JCHAIN: variants seen among roughly 807,000 people sequenced by gnomAD.
The protein encoded by JCHAIN is joining chain of multimeric IgA and IgM, also known as immunoglobulin J chain.
JCHAIN carries 5 observed loss-of-function variants against 11.1 expected under a neutral mutation model. The ratio of observed to expected loss-of-function variants is 0.45; its 90% CI spans 0.24 to 0.95. The LOEUF (loss-of-function observed/expected upper bound fraction) is 0.95, where lower values mean the gene tolerates loss of function less well. Among genes scored for constraint, JCHAIN ranks in the 40% least tolerant of loss-of-function variants. The pLI is 0.21. For missense variants in JCHAIN, 165 were observed against 192.7 expected (o/e 0.86, Z 0.85); for synonymous variants, 51 against 67.8 (o/e 0.75, Z 1.22).
rs1738955919 is a variant in JCHAIN, at chr4:70,656,677, C to T, written c.270-138G>A. The stretch of plus-strand genomic sequence containing the variant: ...GATGACTCCTTTCAGACATAAGCAG[C>T]TCTACAATACAGAATAGCTTATGGG... On this transcript the variant is annotated intron_variant, in intron 3 of 3. Transcript: ENST00000254801. 6.3e-6 allele frequency: 4 copies of T among 637,838 alleles called. No homozygotes were observed. In the Middle Eastern group the frequency reaches 1.3e-3, roughly 203 times the overall value. The allele number at this position is 637,838 out of a possible 1,614,324, so 39.5% of individuals were successfully genotyped here.
At chr4:70,657,455 G>A (rs920097198) in intron 2 of JCHAIN, among the ~76,000 whole-genome samples, 164 bp from the exon 3 acceptor site, 4 of 152,062 alleles carry the variant, frequency 2.6e-5, no homozygotes, top group African/African-American at 9.7e-5. Flanking sequence ...ATAGTAACTT[G>A]CTATATTTTA....
chr4:70,656,032 T>G lies in JCHAIN; in HGVS notation c.*297A>C. The G allele has an allele frequency of 4.5e-6, 1 of 223,272 alleles. No individual in the cohort carries two copies. The highest frequency in any genetic ancestry group is 5.6e-5 in the Admixed American group (1 of 17,706). 13.8% of individuals were successfully genotyped at this position (223,272 alleles called of 1,614,324 possible). ...CCTTGAGTTTTATTTTCTCCCCTTG[T>G]TTATTTGTTTAATGCTAGAAACTGT... On this transcript the variant is annotated 3_prime_UTR_variant, in exon 4 of 4. Coordinates refer to ENST00000254801, the MANE Select transcript of JCHAIN (RefSeq NM_144646.4).
intron 2 of JCHAIN, among the ~76,000 whole-genome samples, chr4:70,658,403 C>G (rs16845335): frequency 2.6e-5 from 4 of 152,128 alleles, no homozygotes; most frequent in African/African-American, 9.7e-5. Flanking sequence ...ATAGAAGGCA[C>G]GTATCCTAAT....
intron 2 of JCHAIN, among the ~76,000 whole-genome samples, chr4:70,657,513 A>G (rs1738971986): frequency 6.6e-6 from 1 of 152,196 alleles, no homozygotes; most frequent in Non-Finnish European, 1.5e-5. Flanking sequence ...GCTGTCAACT[A>G]TCTTTGCTGA....
intron 1 of JCHAIN, among the ~76,000 whole-genome samples, chr4:70,662,796 T>C (rs1204098068): frequency 6.6e-6 from 1 of 151,830 alleles, no homozygotes; most frequent in African/African-American, 2.4e-5. Context: ...CCATCTCTAC[T>C]AAAAACACAA....
chr4:70,660,666 G>A (rs1041832019), intron 2 of JCHAIN, among the ~76,000 whole-genome samples: 7 of 152,134 alleles, frequency 4.6e-5, no homozygotes, highest in Admixed American at 1.3e-4. Context: ...TTACAGGCAT[G>A]AGCCACCGTG....
At chr4:70,657,313 A>G (rs1364904783) in intron 2 of JCHAIN, 22 bp from the exon 3 acceptor site, 2 of 1,456,028 alleles carry the variant, frequency 1.4e-6, no homozygotes, top group South Asian at 1.1e-5. Context: ...GAAAGAAAAC[A>G]AAGTTAAAAC....
At position 70,663,415 on chromosome 4, in the gene JCHAIN, T is replaced by A. The variant is rs1360138517; in HGVS notation, c.65-1200A>T. The A allele has an allele frequency of 5.9e-5, 9 of 152,192 alleles. 1 individual carries two copies. The allele number at this position is 152,192 out of a possible 1,614,324, so 9.4% of individuals were successfully genotyped here. A position where few individuals can be genotyped will look rare whatever the true frequency, so the allele number is the denominator to read the frequency against. On this transcript the variant is annotated intron_variant, in intron 1 of 3. Transcript: ENST00000254801. Reference sequence around the variant, plus strand: ...TTCACCATGTTGCCCAGGCTGGTCTTAAACTCCTGACCTCAAGTGATCCAC... The same window carrying A: ...TTCACCATGTTGCCCAGGCTGGTCTAAAACTCCTGACCTCAAGTGATCCAC...
chr4:70,659,655 T>A (rs6817704), intron 2 of JCHAIN, among the ~76,000 whole-genome samples: 5,337 of 142,954 alleles, frequency 0.037, 330 homozygotes, highest in African/African-American at 0.13. Context: ...TGAGGTCAAG[T>A]GTTCGAGACT....
intron 1 of JCHAIN, 36 bp downstream of exon 1, chr4:70,666,391 C>T (rs1207719068): frequency 1.4e-6 from 2 of 1,460,280 alleles, no homozygotes; most frequent in Admixed American, 1.7e-5. Flanking sequence ...CTATATTTTT[C>T]CTTTGATCTG....
intron 3 of JCHAIN, 71 bp downstream of exon 3, chr4:70,657,140 T>A: frequency 1.3e-6 from 1 of 796,880 alleles, no homozygotes; most frequent in Non-Finnish European, 2.1e-6. Flanking sequence ...AAAACATTCT[T>A]ACTAACAAGG....
intron 1 of JCHAIN, among the ~76,000 whole-genome samples, chr4:70,662,908 A>G (rs928254070): frequency 2.0e-5 from 3 of 152,054 alleles, no homozygotes; most frequent in Admixed American, 2.0e-4. Context: ...GCAGTGAGCC[A>G]AGATCGTGCC....
rs1306822624 is a variant in JCHAIN, at chr4:70,656,145, T to C, written c.*184A>G. On this transcript the variant is annotated 3_prime_UTR_variant, in exon 4 of 4. Transcript: ENST00000254801. Reference sequence around the variant, plus strand: ...GTATGAACATATAATTAAGAAGTGATTACCTAATAAAGATAACAATGTGAC... The same window carrying C: ...GTATGAACATATAATTAAGAAGTGACTACCTAATAAAGATAACAATGTGAC... The C allele has an allele frequency of 1.7e-6, 1 of 585,224 alleles. No homozygotes were observed. The highest frequency in any genetic ancestry group is 1.9e-5 in the African/African-American group (1 of 53,404). 36.3% of individuals were successfully genotyped at this position (585,224 alleles called of 1,614,324 possible).
At position 70,657,257 on chromosome 4, in the gene JCHAIN, G is replaced by T; in HGVS notation, c.223C>A (p.Pro75Thr). 6.2e-7 allele frequency: 1 copy of T among 1,604,576 alleles called. No homozygotes were observed. The highest frequency in any genetic ancestry group is 8.5e-7 in the Non-Finnish European group (1 of 1,171,916). The part of the protein sequence containing the change: ...PLNNRENISD[P>T]TSPLRTRFVY... ...AATCTGGTTCTCAATGGTGAGGTGG[G>T]ATCAGAGATATTCTCCCTGTTGTTC... Residue 75 changes from proline (P) to threonine (T), a missense_variant, in exon 3 of 4, where the codon CCC becomes ACC. Pro to Thr is a conservative substitution (Grantham distance 38). Coordinates refer to ENST00000254801, the MANE Select transcript of JCHAIN (RefSeq NM_144646.4).
intron 2 of JCHAIN, among the ~76,000 whole-genome samples, chr4:70,661,369 C>A (rs1349291085): frequency 6.6e-6 from 1 of 152,176 alleles, no homozygotes; most frequent in African/African-American, 2.4e-5. Context: ...TCTGCCTTAT[C>A]TCGATGCAGA....
chr4:70,666,219 G>A (rs905706449), intron 1 of JCHAIN, among the ~76,000 whole-genome samples: 2 of 152,020 alleles, frequency 1.3e-5, no homozygotes, highest in African/African-American at 4.8e-5. Context: ...GTTTGTAGTA[G>A]GCAAACAAGT....
chr4:70,665,467 C>G (rs1319835684), intron 1 of JCHAIN, among the ~76,000 whole-genome samples: 2 of 152,046 alleles, frequency 1.3e-5, no homozygotes, highest in Non-Finnish European at 2.9e-5. Flanking sequence ...TATGATTTTT[C>G]TACTTTATGA....
At chr4:70,661,519 G>T (rs1409381346) in intron 2 of JCHAIN, among the ~76,000 whole-genome samples, 1 of 152,228 alleles carries the variant, frequency 6.6e-6, no homozygotes, top group Non-Finnish European at 1.5e-5. Context: ...GCCAGGCGTG[G>T]TGGTTCAGGC....
At chr4:70,666,328 C>A in intron 1 of JCHAIN, 99 bp downstream of exon 1, 1 of 762,924 alleles carries the variant, frequency 1.3e-6, no homozygotes, top group Non-Finnish European at 2.2e-6. Context: ...AGCTGGCTAA[C>A]TGGCCAACCA....
Sources: gnomAD v4.1 joint callset for allele counts (sites outside exome capture counted in the v4.1 genomes callset) on GRCh38, gnomAD v4.1.1 for gene constraint, MANE v1.5 for transcripts, NCBI Gene and HGNC (gene_info 2026-07-23, HGNC 2026-07-21) for gene names.